SLC24A2: variants seen among roughly 807,000 people sequenced by gnomAD.
SLC24A2 encodes the protein sodium/potassium/calcium exchanger 2.
A neutral mutation model predicts 62.0 loss-of-function variants in SLC24A2; 36 were observed. That is an observed-to-expected ratio of 0.58 (90% CI 0.44 to 0.77). The LOEUF (loss-of-function observed/expected upper bound fraction) is 0.77. Among genes scored for constraint, SLC24A2 ranks in the 30% least tolerant of loss-of-function variants. The probability of loss-of-function intolerance (pLI) is 0.00; values close to 1 mark genes in which losing one functional copy is unlikely to be tolerated. For missense variants in SLC24A2, 846 were observed against 817.9 expected, an observed-to-expected ratio of 1.03 and a Z score of -0.42; for synonymous variants, 358 against 294.0, an observed-to-expected ratio of 1.22 and a Z score of -2.23.
At chr9:20,231,052 C>T in the SLC24A2 span, among the ~76,000 whole-genome samples, 5 of 151,634 alleles carry the variant, frequency 3.3e-5, no homozygotes, top group South Asian at 4.2e-4. Flanking sequence ...GTAGATATGC[C>T]GCATTATTTC....
intron 5 of SLC24A2, among the ~76,000 whole-genome samples, chr9:19,581,214 A>G (rs1270171404): frequency 3.3e-5 from 5 of 152,124 alleles, no homozygotes; most frequent in Non-Finnish European, 7.4e-5. Context: ...TGAATCCCCC[A>G]ACACTTGATT....
At chr9:20,167,439 T>A in the SLC24A2 span, among the ~76,000 whole-genome samples, 1 of 151,924 alleles carries the variant, frequency 6.6e-6, no homozygotes, top group African/African-American at 2.4e-5. Flanking sequence ...ATCCTGTGGG[T>A]TCAGCTGAAA....
At chr9:19,975,449 T>G in the SLC24A2 span, among the ~76,000 whole-genome samples, 7 of 152,280 alleles carry the variant, frequency 4.6e-5, no homozygotes, top group African/African-American at 1.7e-4. Flanking sequence ...ATAATGAGAT[T>G]TGGAATCAGA....
chr9:19,580,981 G>A (rs1191208389), intron 5 of SLC24A2, among the ~76,000 whole-genome samples: 3 of 152,176 alleles, frequency 2.0e-5, no homozygotes, highest in African/African-American at 7.2e-5. Flanking sequence ...GAAAATATGT[G>A]TAAAGGGCTT....
chr9:19,923,861 C>T, the SLC24A2 span, among the ~76,000 whole-genome samples: 7 of 152,186 alleles, frequency 4.6e-5, no homozygotes, highest in African/African-American at 1.7e-4. Context: ...GATTCTCCTG[C>T]CTCAGCCTCC....
chr9:20,098,896 A>G, the SLC24A2 span, among the ~76,000 whole-genome samples: 2 of 152,210 alleles, frequency 1.3e-5, no homozygotes, highest in Non-Finnish European at 2.9e-5. Context: ...TCATTCTCTT[A>G]GCTGTTCTGC....
At chr9:19,616,667 T>A (rs1201567196) in intron 4 of SLC24A2, among the ~76,000 whole-genome samples, 1 of 152,204 alleles carries the variant, frequency 6.6e-6, no homozygotes, top group East Asian at 1.9e-4. Flanking sequence ...TCTTCTAGGC[T>A]TTGTGGGTAA....
chr9:19,880,359 C>A, the SLC24A2 span, among the ~76,000 whole-genome samples: 141 of 152,260 alleles, frequency 9.3e-4, no homozygotes, highest in Non-Finnish European at 1.7e-3. Flanking sequence ...GTGTACATCA[C>A]CACACATGGA....
At chr9:20,283,731 G>C in the SLC24A2 span, among the ~76,000 whole-genome samples, 1 of 110,188 alleles carries the variant, frequency 9.1e-6, no homozygotes, top group Admixed American at 1.0e-4. Flanking sequence ...GAAGGTCCAA[G>C]GGAGAAAAGA....
At chr9:20,190,855 C>A in the SLC24A2 span, among the ~76,000 whole-genome samples, 2 of 152,142 alleles carry the variant, frequency 1.3e-5, no homozygotes, top group Non-Finnish European at 2.9e-5. Flanking sequence ...AAAAATGGTA[C>A]CTATTCACAG....
At chr9:19,801,388 C>CAA in the SLC24A2 span, among the ~76,000 whole-genome samples, 1 of 152,082 alleles carries the variant, frequency 6.6e-6, no homozygotes, top group Non-Finnish European at 1.5e-5. Flanking sequence ...TGCTGGATGC[C>CAA]GAGGGATGGA....
the SLC24A2 span, among the ~76,000 whole-genome samples, chr9:20,269,841 T>G: frequency 6.6e-6 from 1 of 152,216 alleles, no homozygotes. Flanking sequence ...GACCGCTTTC[T>G]TGTTGATACC....
chr9:20,159,562 T>C, the SLC24A2 span, among the ~76,000 whole-genome samples: 13 of 151,534 alleles, frequency 8.6e-5, no homozygotes, highest in South Asian at 4.1e-4. Context: ...GGAAGAGTAG[T>C]ATGTGTGACA....
chr9:19,861,797 G>A, the SLC24A2 span, among the ~76,000 whole-genome samples: 11 of 152,178 alleles, frequency 7.2e-5, no homozygotes, highest in African/African-American at 2.6e-4. Context: ...TTGGCATACT[G>A]AAGAATGCAT....
At chr9:19,838,556 T>A in the SLC24A2 span, among the ~76,000 whole-genome samples, 19 of 151,608 alleles carry the variant, frequency 1.3e-4, no homozygotes, top group Admixed American at 6.6e-5. Flanking sequence ...AGAGAATTGC[T>A]TGAACTTGGG....
chr9:20,236,002 C>T, the SLC24A2 span, among the ~76,000 whole-genome samples: 1 of 152,126 alleles, frequency 6.6e-6, no homozygotes, highest in African/African-American at 2.4e-5. Flanking sequence ...ATAGTAGAAG[C>T]TCAATTGATG....
the SLC24A2 span, among the ~76,000 whole-genome samples, chr9:19,887,533 T>C: frequency 1.3e-5 from 2 of 151,812 alleles, no homozygotes; most frequent in Admixed American, 6.6e-5. Context: ...ATGGCTGTAA[T>C]AAAAAAATAA....
At chr9:19,824,058 C>T in the SLC24A2 span, among the ~76,000 whole-genome samples, 3 of 152,086 alleles carry the variant, frequency 2.0e-5, no homozygotes, top group African/African-American at 7.2e-5. Flanking sequence ...AAATCTAAAA[C>T]CATAAAAACC....
chr9:19,621,787 T>C (rs972560054), intron 3 of SLC24A2, among the ~76,000 whole-genome samples: 1 of 152,212 alleles, frequency 6.6e-6, no homozygotes, highest in African/African-American at 2.4e-5. Flanking sequence ...AGAGAAGTAC[T>C]GAAAGCATTC....
Sources: gnomAD v4.1 joint callset for allele counts (sites outside exome capture counted in the v4.1 genomes callset) on GRCh38, gnomAD v4.1.1 for gene constraint, MANE v1.5 for transcripts, NCBI Gene and HGNC (gene_info 2026-07-23, HGNC 2026-07-21) for gene names.